Variants in WWTR1 observed in about 807,000 individuals in gnomAD.
WWTR1 encodes the protein WW domain containing transcription regulator 1.
A neutral mutation model predicts 40.1 loss-of-function variants in WWTR1; 13 were observed. The observed-to-expected ratio is 0.32, with a 90% CI of 0.21 to 0.52. The LOEUF is 0.52. Among genes scored for constraint, WWTR1 ranks in the 20% least tolerant of loss-of-function variants. The pLI is 0.97. For missense variants in WWTR1, 436 were observed against 523.1 expected (o/e 0.83, Z 1.63); for synonymous variants, 230 against 210.1 (o/e 1.09, Z -0.82).
intron 2 of WWTR1, chr3:149,576,157 C>G: frequency 2.2e-6 from 1 of 455,290 alleles, no homozygotes; most frequent in East Asian, 6.9e-5. Flanking sequence ...GACCTGACAT[C>G]AGCTGTAAGG....
At chr3:149,636,736 T>G (rs1711835535) in intron 2 of WWTR1, among the ~76,000 whole-genome samples, 1 of 152,104 alleles carries the variant, frequency 6.6e-6, no homozygotes, top group Non-Finnish European at 1.5e-5. Flanking sequence ...CATTTATATT[T>G]CTTTCAGCAA....
intron 2 of WWTR1, among the ~76,000 whole-genome samples, chr3:149,647,638 G>C (rs1244442867): frequency 1.3e-5 from 2 of 152,196 alleles, no homozygotes; most frequent in Admixed American, 1.3e-4. Flanking sequence ...GGGAAGTAAA[G>C]ACCACCCACA....
rs940208235 is a variant in WWTR1 at position 149,627,864 on chromosome 3, G to C, written c.431+29012C>G. On this transcript the variant is annotated intron_variant, in intron 2 of 6. Transcript: ENST00000360632. ...GAGAAGGGGCAGATCACCAGAGGTC[G>C]GGAGCTCGCGACTAGCCTGATCAAC... is the stretch of plus-strand genomic sequence containing the variant. Among the ~76,000 whole-genome samples, 7 of 146,526 alleles carry C rather than the reference G, an allele frequency of 4.8e-5. No homozygotes were observed. In the East Asian group the frequency reaches 1.5e-3, roughly 32 times the overall value.
intron 2 of WWTR1, among the ~76,000 whole-genome samples, chr3:149,589,098 G>A (rs1263804460): frequency 6.6e-6 from 1 of 152,142 alleles, no homozygotes; most frequent in African/African-American, 2.4e-5. Context: ...CCCTCTCCTT[G>A]GGCAGATCCA....
chr3:149,712,356 T>C (rs185894241), intron 5 of WWTR1, among the ~76,000 whole-genome samples: 231 of 152,266 alleles, frequency 1.5e-3, no homozygotes, highest in Non-Finnish European at 2.4e-3. Context: ...TATTGGGAAC[T>C]AAAGGGAGGG....
intron 2 of WWTR1, among the ~76,000 whole-genome samples, chr3:149,653,828 C>T (rs1277717180): frequency 6.6e-6 from 1 of 152,216 alleles, no homozygotes; most frequent in Admixed American, 6.5e-5. Context: ...TAAATAACCA[C>T]ATGACTTTCC....
intron 2 of WWTR1, among the ~76,000 whole-genome samples, chr3:149,584,923 A>G (rs1738341146): frequency 6.6e-6 from 1 of 152,222 alleles, no homozygotes; most frequent in South Asian, 2.1e-4. Context: ...GATATGCATG[A>G]CACACTATAA....
chr3:149,693,544 C>CA (rs1356725549), intron 1 of WWTR1, among the ~76,000 whole-genome samples: 3 of 151,966 alleles, frequency 2.0e-5, no homozygotes, highest in Non-Finnish European at 2.9e-5. Context: ...GCAAAAAGAA[C>CA]AAAACTGGAG....
chr3:149,719,451 G>A (rs572745611), intron 4 of WWTR1, among the ~76,000 whole-genome samples: 2 of 152,264 alleles, frequency 1.3e-5, no homozygotes, highest in South Asian at 2.1e-4. Flanking sequence ...GATTACAGGC[G>A]TGGCCACTGT....
At chr3:149,618,477 G>C (rs1229659691) in intron 2 of WWTR1, among the ~76,000 whole-genome samples, 1 of 152,204 alleles carries the variant, frequency 6.6e-6, no homozygotes, top group Non-Finnish European at 1.5e-5. Context: ...AGGCTAGAGA[G>C]CTTACCCAAT....
rs1446392512 is a variant in WWTR1 at position 149,657,018 on chromosome 3, C to T, written c.289G>A (p.Gly97Ser). Residue 97 changes from glycine to serine, a missense_variant, in exon 2 of 7, where the codon GGC becomes AGC. Physicochemically the swap from Gly to Ser is moderately conservative, Grantham distance 56. Coordinates refer to ENST00000360632, the MANE Select transcript of WWTR1 (RefSeq NM_015472.6). ...SHSSPASLQLGTGAGAAGSPA... is the reference protein window; with the variant it reads ...SHSSPASLQLSTGAGAAGSPA... ...CTACCCGCAGCACCCGCGCCGGTGC[C>T]CAGCTGCAGGGACGCGGGCGACGAG... 4 of 1,595,152 alleles carry T rather than the reference C, an allele frequency of 2.5e-6. No individual in the cohort carries two copies. In the East Asian group the frequency reaches 6.7e-5, roughly 27 times the overall value.
intron 4 of WWTR1, among the ~76,000 whole-genome samples, chr3:149,721,094 T>A (rs1715747891): frequency 6.6e-6 from 1 of 152,208 alleles, no homozygotes; most frequent in Non-Finnish European, 1.5e-5. Flanking sequence ...CCATTTTAGA[T>A]GCCTTTCATT....
chr3:149,585,981 A>G (rs1406030571), intron 2 of WWTR1, among the ~76,000 whole-genome samples: 2 of 152,242 alleles, frequency 1.3e-5, no homozygotes, highest in African/African-American at 2.4e-5. Context: ...TTAAACAAGT[A>G]TGTTTATGCA....
intron 3 of WWTR1, among the ~76,000 whole-genome samples, chr3:149,556,974 T>A (rs1245303757): frequency 6.6e-6 from 1 of 151,618 alleles, no homozygotes; most frequent in Non-Finnish European, 1.5e-5. Flanking sequence ...CACTGGCTGG[T>A]GCTCTGAGAT....
chr3:149,694,906 A>C (rs1559843622), intron 1 of WWTR1, among the ~76,000 whole-genome samples: 1 of 152,224 alleles, frequency 6.6e-6, no homozygotes, highest in Admixed American at 6.5e-5. Flanking sequence ...TTTGGAATCA[A>C]CCTAAGTGTT....
At chr3:149,526,755 G>GT (rs1471399194) in intron 5 of WWTR1, among the ~76,000 whole-genome samples, 1 of 152,092 alleles carries the variant, frequency 6.6e-6, no homozygotes, top group Non-Finnish European at 1.5e-5. Context: ...GCTACTATTT[G>GT]TTTTTATCTC....
intron 2 of WWTR1, among the ~76,000 whole-genome samples, chr3:149,656,352 T>C: frequency 6.6e-6 from 1 of 152,242 alleles, no homozygotes; most frequent in East Asian, 1.9e-4. Flanking sequence ...GTGGTCATTA[T>C]GTCACCCAGC....
At chr3:149,536,590 G>A (rs959030923) in intron 4 of WWTR1, among the ~76,000 whole-genome samples, 7 of 152,088 alleles carry the variant, frequency 4.6e-5, no homozygotes, top group Admixed American at 1.3e-4. Context: ...CAGCTGGCCC[G>A]CCGCGCCTGG....
intron 2 of WWTR1, among the ~76,000 whole-genome samples, chr3:149,611,526 T>A (rs1739740702): frequency 1.3e-5 from 2 of 152,156 alleles, no homozygotes; most frequent in African/African-American, 2.4e-5. Context: ...CCAACTGGAG[T>A]AATCAGAGAA....
Sources: allele counts gnomAD v4.1 joint callset (sites outside exome capture counted in the v4.1 genomes callset), GRCh38; gene constraint gnomAD v4.1.1; transcripts MANE v1.5; gene names NCBI Gene and HGNC (gene_info 2026-07-23, HGNC 2026-07-21).